KCNAB1: variants seen among roughly 807,000 people sequenced by gnomAD.
KCNAB1 encodes the protein voltage-gated potassium channel subunit beta-1.
Under a neutral mutation model 64.6 loss-of-function variants are expected in KCNAB1, and 35 were observed. That is an observed-to-expected ratio of 0.54 (90% CI 0.41 to 0.72). The LOEUF (loss-of-function observed/expected upper bound fraction) is 0.72. Ranked by LOEUF, KCNAB1 falls within the 30% of genes least tolerant of loss-of-function variation. KCNAB1 has a pLI of 0.00. For synonymous variants in KCNAB1, 177 were observed against 183.8 expected (o/e 0.96, Z 0.30); for missense variants, 401 against 512.9 (o/e 0.78, Z 2.11).
chr3:156,253,052 G>A (rs1717921742), intron 1 of KCNAB1, among the ~76,000 whole-genome samples: 1 of 152,170 alleles, frequency 6.6e-6, no homozygotes, highest in Admixed American at 6.5e-5. Flanking sequence ...TTATTGAATG[G>A]TTGAGTATTC....
chr3:156,304,376 G>A (rs565975788), intron 1 of KCNAB1, among the ~76,000 whole-genome samples: 184 of 152,270 alleles, frequency 1.2e-3, no homozygotes, highest in Non-Finnish European at 1.9e-3. Context: ...GGAAGCAAGC[G>A]ATGTTATGCC....
intron 1 of KCNAB1, among the ~76,000 whole-genome samples, chr3:156,181,876 A>G (rs4577423): frequency 0.56 from 85,690 of 151,968 alleles, 24,964 homozygotes; most frequent in East Asian, 0.9. Context: ...GATGTTCAAT[A>G]GACAGGAATT....
chr3:156,153,171 A>G (rs1263148638), intron 1 of KCNAB1, among the ~76,000 whole-genome samples: 2 of 152,230 alleles, frequency 1.3e-5, no homozygotes, highest in African/African-American at 4.8e-5. Flanking sequence ...GCTGGATATC[A>G]GTCACAGGGC....
At chr3:156,349,995 A>T (rs1724748575) in intron 1 of KCNAB1, among the ~76,000 whole-genome samples, 1 of 152,162 alleles carries the variant, frequency 6.6e-6, no homozygotes, top group Admixed American at 6.5e-5. Context: ...CCTAGGACAG[A>T]TCTTTTCAAA....
At chr3:156,209,905 AAC>A (rs1714908038) in intron 1 of KCNAB1, among the ~76,000 whole-genome samples, 1 of 152,224 alleles carries the variant, frequency 6.6e-6, no homozygotes, top group South Asian at 2.1e-4. Flanking sequence ...GCTAATTTCA[AAC>A]CAGTGCACTT....
intron 1 of KCNAB1, among the ~76,000 whole-genome samples, chr3:156,238,444 G>GAATC (rs1716984796): frequency 6.8e-6 from 1 of 147,160 alleles, no homozygotes; most frequent in Admixed American, 6.8e-5. Flanking sequence ...AAAAAAAAAG[G>GAATC]GTTCCCTTTT....
intron 1 of KCNAB1, among the ~76,000 whole-genome samples, chr3:156,276,987 C>T (rs913775717): frequency 1.3e-5 from 2 of 152,162 alleles, no homozygotes; most frequent in Non-Finnish European, 1.5e-5. Flanking sequence ...AGGCTTTTGA[C>T]ATGCCTTCTT....
At chr3:156,246,650 A>AC (rs397946672) in intron 1 of KCNAB1, among the ~76,000 whole-genome samples, 3 of 141,464 alleles carry the variant, frequency 2.1e-5, no homozygotes, top group South Asian at 4.5e-4. Context: ...AAAAAAAAAA[A>AC]CCCAACATTT....
chr3:156,457,578 C>A, intron 4 of KCNAB1, 46 bp downstream of exon 4: 2 of 1,494,862 alleles, frequency 1.3e-6, no homozygotes, highest in South Asian at 1.1e-5. Flanking sequence ...TCTGTAGCAC[C>A]AAAAGAATCA....
At position 156,507,156 on chromosome 3, in the gene KCNAB1, A is replaced by T. The variant is rs573288238; in HGVS notation, c.659-7208A>T. ...TGGGGTCTATAGACTATCTGCTGAG[A>T]CCTGGCCCAAGTGATTTTATCTTTC... On this transcript the variant is annotated intron_variant, in intron 8 of 13. Coordinates refer to ENST00000490337, the MANE Select transcript of KCNAB1 (RefSeq NM_172160.3). 3.3e-5 allele frequency among the ~76,000 whole-genome samples: 5 copies of T among 152,354 alleles called. No homozygotes were observed. In the East Asian group the frequency reaches 9.6e-4, roughly 29 times the overall value.
intron 1 of KCNAB1, among the ~76,000 whole-genome samples, chr3:156,213,283 G>A (rs1054135782): frequency 4.6e-5 from 7 of 151,864 alleles, no homozygotes; most frequent in African/African-American, 1.5e-4. Context: ...CAGTGGTGGG[G>A]TCATGGCTCA....
chr3:156,385,071 G>A (rs1024632681), intron 1 of KCNAB1, among the ~76,000 whole-genome samples: 8 of 152,192 alleles, frequency 5.3e-5, no homozygotes, highest in Non-Finnish European at 7.3e-5. Context: ...ATTTGTGCAA[G>A]TAGAGTTTGC....
intron 2 of KCNAB1, among the ~76,000 whole-genome samples, chr3:156,425,029 G>T (rs547840414): frequency 4.6e-5 from 7 of 152,174 alleles, no homozygotes; most frequent in Non-Finnish European, 1.0e-4. Flanking sequence ...TAAGCCAGAG[G>T]AGACAAGAAA....
intron 1 of KCNAB1, among the ~76,000 whole-genome samples, chr3:156,370,416 A>AT (rs1035704397): frequency 5.9e-5 from 9 of 152,316 alleles, no homozygotes; most frequent in Admixed American, 1.3e-4. Context: ...CCTGCCTGAA[A>AT]TTTTTTTAGC....
Position 156,175,950 on chromosome 3 carries a change from G to GGGC in KCNAB1, c.275+55065_275+55067dup, listed in dbSNP as rs1295051205. On this transcript the variant is annotated intron_variant, in intron 1 of 13. Transcript: ENST00000490337. ...CTTCATTGATGGAGCCAGCATGGCC[G>GGGC]GGCAGCTCATACAGTATTCTCCTGC... is the stretch of plus-strand genomic sequence containing the variant. The GGGC allele has an allele frequency of 1.1e-5, 11 of 981,548 alleles. No individual in the cohort carries two copies. The East Asian group carries it at 2.5e-4, about 23-fold the overall frequency. The allele number at this position is 981,548 out of a possible 1,614,324, so 60.8% of individuals were successfully genotyped here. A position where few individuals can be genotyped will look rare whatever the true frequency, so the allele number is the denominator to read the frequency against.
intron 2 of KCNAB1, among the ~76,000 whole-genome samples, chr3:156,432,493 T>G (rs1384778044): frequency 6.6e-6 from 1 of 152,140 alleles, no homozygotes; most frequent in Non-Finnish European, 1.5e-5. Flanking sequence ...CAATACTCAT[T>G]TCATATCTGA....
intron 8 of KCNAB1, among the ~76,000 whole-genome samples, chr3:156,512,927 A>G (rs2108388528): frequency 6.6e-6 from 1 of 152,264 alleles, no homozygotes; most frequent in East Asian, 1.9e-4. Context: ...AATAGTTTAC[A>G]GAAGGACGGG....
rs187553719 is a variant in KCNAB1, at chr3:156,338,388, G to A, written c.276-83228G>A. Among the ~76,000 whole-genome samples, 449 of 126,786 alleles carry A rather than the reference G, an allele frequency of 3.5e-3. 2 individuals carry two copies. Among genetic ancestry groups the A allele is most frequent in the Non-Finnish European group, 5.1e-3 (327 of 63,526 alleles). The allele number at this position is 126,786 out of a possible 152,430, so 83.2% of individuals were successfully genotyped here. A position where few individuals can be genotyped will look rare whatever the true frequency, so the allele number is the denominator to read the frequency against. On this transcript the variant is annotated intron_variant, in intron 1 of 13. Transcript: ENST00000490337. Reference sequence around the variant, plus strand: ...TGCAATGGCACAATCTCAGCTCACCGCAACCTCCGCCTCCCGGGTTCAAGC... The same window carrying A: ...TGCAATGGCACAATCTCAGCTCACCACAACCTCCGCCTCCCGGGTTCAAGC...
At chr3:156,401,719 A>G (rs1256174674) in intron 1 of KCNAB1, among the ~76,000 whole-genome samples, 3 of 152,244 alleles carry the variant, frequency 2.0e-5, no homozygotes, top group African/African-American at 7.2e-5. Context: ...AAAGGCCTGC[A>G]GCCAACTTTC....
Sources: gnomAD v4.1 joint callset for allele counts (sites outside exome capture counted in the v4.1 genomes callset) on GRCh38, gnomAD v4.1.1 for gene constraint, MANE v1.5 for transcripts, NCBI Gene and HGNC (gene_info 2026-07-23, HGNC 2026-07-21) for gene names.